Variants in GRIK1 observed in about 807,000 individuals in gnomAD.
GRIK1 encodes the protein glutamate ionotropic receptor kainate type subunit 1, also known as glutamate receptor ionotropic, kainate 1.
In GRIK1, 69 loss-of-function variants were observed where a neutral mutation model predicts 105.7. The observed-to-expected ratio is 0.65, with a 90% confidence interval of 0.54 to 0.80. GRIK1 has a LOEUF of 0.80. Ranked by LOEUF, GRIK1 falls within the 30% of genes least tolerant of loss-of-function variation. The pLI, the probability that GRIK1 is intolerant of heterozygous loss-of-function variation, is 0.00. For missense variants in GRIK1, 1,109 were observed against 1,167.3 expected (o/e 0.95, Z 0.73); for synonymous variants, 438 against 431.3 (o/e 1.02, Z -0.19).
intron 14 of GRIK1, among the ~76,000 whole-genome samples, chr21:29,572,282 C>T (rs1010880331): frequency 6.6e-6 from 1 of 152,130 alleles, no homozygotes; most frequent in Non-Finnish European, 1.5e-5. Flanking sequence ...GGATTTAGTC[C>T]TTGTTCTCCT....
chr21:29,693,961 T>G lies in GRIK1; in HGVS notation c.221A>C (p.Asn74Thr), dbSNP rs762034529. ...CTGGATGTCATAGGTTAATGTGGTG[T>G]TAGGCATCAGGGTTCGGTTTCTGTT... ...SINRNRTLMP[N>T]TTLTYDIQRI... The change falls in exon 2 of 18, where the codon AAC (asparagine) becomes ACC (threonine). Residue 74 changes from asparagine to threonine, a missense_variant. Around this residue, in one of 5 missense-constraint regions of GRIK1, gnomAD observed 612 missense variants for 586.0 expected, o/e 1.04. Transcript: ENST00000327783. 1 of 1,612,830 alleles carries G rather than the reference T, an allele frequency of 6.2e-7. No homozygotes were observed. Among genetic ancestry groups the G allele is most frequent in the Non-Finnish European group, 8.5e-7 (1 of 1,178,848 alleles).
chr21:29,854,698 G>A (rs1346819428), intron 1 of GRIK1, among the ~76,000 whole-genome samples: 1 of 152,088 alleles, frequency 6.6e-6, no homozygotes, highest in Non-Finnish European at 1.5e-5. Flanking sequence ...TCATCTATTT[G>A]CTTTAGTTGC....
At chr21:29,673,817 T>A (rs981517628) in intron 3 of GRIK1, among the ~76,000 whole-genome samples, 8 of 151,662 alleles carry the variant, frequency 5.3e-5, no homozygotes, top group Admixed American at 6.6e-5. Context: ...AAACAGAATT[T>A]AAAAAAAAAT....
intron 1 of GRIK1, among the ~76,000 whole-genome samples, chr21:29,840,953 C>G (rs912184172): frequency 2.6e-5 from 4 of 152,084 alleles, no homozygotes; most frequent in African/African-American, 9.7e-5. Context: ...TTAGACATGG[C>G]TTAGCAACTG....
intron 4 of GRIK1, among the ~76,000 whole-genome samples, chr21:29,658,648 G>T (rs1031061117): frequency 1.3e-5 from 2 of 152,178 alleles, no homozygotes; most frequent in Non-Finnish European, 2.9e-5. Flanking sequence ...AAACAACCCA[G>T]CCCTTTTGTT....
At chr21:29,679,579 A>C (rs1312617115) in intron 3 of GRIK1, among the ~76,000 whole-genome samples, 1 of 152,200 alleles carries the variant, frequency 6.6e-6, no homozygotes, top group Non-Finnish European at 1.5e-5. Flanking sequence ...CTCAAACTTA[A>C]CATATTAATG....
intron 1 of GRIK1, among the ~76,000 whole-genome samples, chr21:29,794,906 T>A (rs988768693): frequency 6.6e-6 from 1 of 151,982 alleles, no homozygotes; most frequent in Non-Finnish European, 1.5e-5. Flanking sequence ...TCATCCCAAA[T>A]GACAGCATTT....
intron 8 of GRIK1, among the ~76,000 whole-genome samples, chr21:29,598,066 T>C (rs1351302973): frequency 1.3e-5 from 2 of 152,202 alleles, no homozygotes; most frequent in Admixed American, 1.3e-4. Context: ...GGGTTTCAAT[T>C]GTTTTTCTAT....
At chr21:29,710,128 A>G (rs2064009114) in intron 1 of GRIK1, among the ~76,000 whole-genome samples, 1 of 151,850 alleles carries the variant, frequency 6.6e-6, no homozygotes, top group Non-Finnish European at 1.5e-5. Context: ...AATTTTATTA[A>G]ATATTTTTCA....
chr21:29,717,035 C>T (rs914280519), intron 1 of GRIK1, among the ~76,000 whole-genome samples: 6 of 152,228 alleles, frequency 3.9e-5, no homozygotes, highest in Non-Finnish European at 8.8e-5. Context: ...AAGTGCAGCT[C>T]ACGTCATGGC....
At chr21:29,795,101 T>A (rs930266220) in intron 1 of GRIK1, among the ~76,000 whole-genome samples, 5 of 133,148 alleles carry the variant, frequency 3.8e-5, no homozygotes, top group Non-Finnish European at 7.8e-5. Context: ...AGTGGTGCAA[T>A]CTTGGCTCAC....
intron 1 of GRIK1, among the ~76,000 whole-genome samples, chr21:29,870,194 C>A (rs2068961163): frequency 6.6e-6 from 1 of 152,034 alleles, no homozygotes; most frequent in African/African-American, 2.4e-5. Flanking sequence ...TATTAGATTA[C>A]ATTTATATAT....
chr21:29,698,037 C>G (rs1195649698), intron 1 of GRIK1, among the ~76,000 whole-genome samples: 1 of 149,804 alleles, frequency 6.7e-6, no homozygotes, highest in Admixed American at 6.7e-5. Context: ...CCCTTTCTTT[C>G]TCTCTCTCTG....
chr21:29,901,830 A>G (rs1310905763), intron 1 of GRIK1, among the ~76,000 whole-genome samples: 1 of 152,202 alleles, frequency 6.6e-6, no homozygotes, highest in Non-Finnish European at 1.5e-5. Flanking sequence ...AAAGCCTGGC[A>G]GAGACACAAG....
intron 1 of GRIK1, among the ~76,000 whole-genome samples, chr21:29,793,721 T>C (rs761409618): frequency 2.6e-4 from 39 of 152,206 alleles, no homozygotes; most frequent in Admixed American, 1.2e-3. Context: ...AGCTGAATTA[T>C]AGAATAAGTT....
intron 14 of GRIK1, among the ~76,000 whole-genome samples, chr21:29,563,559 G>T (rs760460906): frequency 6.6e-6 from 1 of 152,122 alleles, no homozygotes; most frequent in Non-Finnish European, 1.5e-5. Flanking sequence ...CGTGTTTTGG[G>T]GGTCAGGTTT....
chr21:29,820,681 T>A (rs937712336), intron 1 of GRIK1, among the ~76,000 whole-genome samples: 2 of 151,950 alleles, frequency 1.3e-5, no homozygotes, highest in Non-Finnish European at 2.9e-5. Context: ...CTCCTAGTGC[T>A]AATTAAATTA....
intron 4 of GRIK1, among the ~76,000 whole-genome samples, chr21:29,659,961 TCAAAA>T (rs917980096): frequency 2.0e-5 from 3 of 151,816 alleles, no homozygotes; most frequent in Non-Finnish European, 4.4e-5. Context: ...AAACTCTGTT[TCAAAA>T]CAAAACAAAA....
intron 13 of GRIK1, among the ~76,000 whole-genome samples, chr21:29,579,756 G>C (rs772528044): frequency 6.6e-6 from 1 of 151,974 alleles, no homozygotes. Context: ...GGTTGGGGCT[G>C]ACTGTCATGT....
Sources: allele counts gnomAD v4.1 joint callset (sites outside exome capture counted in the v4.1 genomes callset), GRCh38; gene constraint gnomAD v4.1.1; regional missense constraint gnomAD v4.1.1; transcripts MANE v1.5; gene names NCBI Gene and HGNC (gene_info 2026-07-23, HGNC 2026-07-21).